The following NSUN4 variants were observed in gnomAD, a reference collection of about 807,000 sequenced individuals.
The protein encoded by NSUN4 is 5-cytosine rRNA methyltransferase NSUN4.
Under a neutral mutation model 43.8 loss-of-function variants are expected in NSUN4, and 31 were observed. The ratio of observed to expected loss-of-function variants is 0.71; its 90% CI spans 0.53 to 0.96. The LOEUF (loss-of-function observed/expected upper bound fraction) is 0.96, where lower values mean the gene tolerates loss of function less well. Ranked by LOEUF, NSUN4 falls within the 40% of genes least tolerant of loss-of-function variation. The pLI is 0.00. For missense variants in NSUN4, 439 were observed against 475.6 expected, an observed-to-expected ratio of 0.92 and a Z score of 0.72; for synonymous variants, 167 against 184.1, an observed-to-expected ratio of 0.91 and a Z score of 0.75.
In NSUN4 at chr1:46,364,868, C is replaced by A. The variant is rs892258336; in HGVS notation, c.*3022C>A. The A allele has an allele frequency of 2.6e-5, 4 of 152,188 alleles. No homozygotes were observed. Among genetic ancestry groups the A allele is most frequent in the African/African-American group, 9.7e-5 (4 of 41,434 alleles). The allele number at this position is 152,188 out of a possible 1,614,324, so 9.4% of individuals were successfully genotyped here. On this transcript the variant is annotated 3_prime_UTR_variant, in exon 6 of 6. Transcript: ENST00000474844. Reference sequence around the variant, plus strand: ...ATGCCTCACATAGATCATGATGATTCAATCCAAAGGCACTTTGCAGTGCAG... The same window carrying A: ...ATGCCTCACATAGATCATGATGATTAAATCCAAAGGCACTTTGCAGTGCAG...
the NSUN4 span, among the ~76,000 whole-genome samples, chr1:46,384,067 G>T: frequency 6.6e-6 from 1 of 152,196 alleles, no homozygotes; most frequent in African/African-American, 2.4e-5. Context: ...TTATGGCAGA[G>T]CAGGAGATCG....
At chr1:46,371,567 A>G in the NSUN4 span, among the ~76,000 whole-genome samples, 20 of 152,032 alleles carry the variant, frequency 1.3e-4, no homozygotes, top group South Asian at 4.2e-4. Flanking sequence ...CGGCCTCCCA[A>G]AGTTCTGTGA....
chr1:46,366,993 T>C (rs1477784786), downstream of NSUN4, among the ~76,000 whole-genome samples: 1 of 152,218 alleles, frequency 6.6e-6, no homozygotes, highest in Non-Finnish European at 1.5e-5. Flanking sequence ...GTAAAAGCTT[T>C]GGCCGTTCTC....
rs1483714520 is a variant in NSUN4 at position 46,344,794 on chromosome 1, C to G, written c.94-7C>G. On this transcript the variant is annotated splice_region_variant and splice_polypyrimidine_tract_variant and intron_variant, in intron 1 of 5. Transcript: ENST00000474844. Reference sequence around the variant, plus strand: ...GAAAACCAATAAGCCTGTCCTCTCTCTTTTAGGCTGCCACAGAGCCCAAAT... The same window carrying G: ...GAAAACCAATAAGCCTGTCCTCTCTGTTTTAGGCTGCCACAGAGCCCAAAT... 3.1e-6 allele frequency: 5 copies of G among 1,611,388 alleles called. No homozygotes were observed. The highest frequency in any genetic ancestry group is 1.7e-5 in the Admixed American group (1 of 59,920).
At chr1:46,365,278 G>A (rs1664107043), downstream of NSUN4, 2 of 152,086 alleles carry the variant, frequency 1.3e-5, no homozygotes, top group Admixed American at 1.3e-4. Flanking sequence ...CCAGTTTGGG[G>A]CTATTATTAG....
chr1:46,383,702 G>A, the NSUN4 span, among the ~76,000 whole-genome samples: 15 of 151,982 alleles, frequency 9.9e-5, no homozygotes, highest in East Asian at 1.9e-4. Flanking sequence ...TGATCCGCCC[G>A]CCTCTGCCTC....
chr1:46,363,622 A>G lies in NSUN4; in HGVS notation c.*1776A>G, dbSNP rs1664009354. 1 of 152,568 alleles carries G rather than the reference A, an allele frequency of 6.6e-6. No homozygotes were observed. The highest frequency in any genetic ancestry group is 2.4e-5 in the African/African-American group (1 of 41,452). 9.5% of individuals were successfully genotyped at this position (152,568 alleles called of 1,614,324 possible). A position where few individuals can be genotyped will look rare whatever the true frequency, so the allele number is the denominator to read the frequency against. Reference sequence around the variant, plus strand: ...CCAATACTGGGGATAAATCCTAGAGAAACTCATACATGTACACCAGGAGAT... The same window carrying G: ...CCAATACTGGGGATAAATCCTAGAGGAACTCATACATGTACACCAGGAGAT... On this transcript the variant is annotated 3_prime_UTR_variant, in exon 6 of 6. Transcript: ENST00000474844.
the NSUN4 span, among the ~76,000 whole-genome samples, chr1:46,373,418 A>T: frequency 6.6e-6 from 1 of 152,196 alleles, no homozygotes; most frequent in Non-Finnish European, 1.5e-5. Flanking sequence ...GAAGCTGGTT[A>T]ATTTATAAGG....
intron 3 of NSUN4, among the ~76,000 whole-genome samples, chr1:46,350,795 A>G (rs917665026): frequency 6.6e-6 from 1 of 152,166 alleles, no homozygotes; most frequent in African/African-American, 2.4e-5. Context: ...TTTGCAACGT[A>G]TTTTGTTGCT....
chr1:46,377,241 G>A, the NSUN4 span, among the ~76,000 whole-genome samples: 34,060 of 151,904 alleles, frequency 0.22, 4,279 homozygotes, highest in Non-Finnish European at 0.29. Context: ...GTAGAGACGG[G>A]GTTTCACCAT....
chr1:46,360,449 A>G (rs554681422), intron 4 of NSUN4, among the ~76,000 whole-genome samples: 1 of 151,014 alleles, frequency 6.6e-6, no homozygotes, highest in South Asian at 2.1e-4. Flanking sequence ...TAAAAAAAAA[A>G]AAAATTATAG....
chr1:46,364,415 G>T lies in NSUN4; in HGVS notation c.*2569G>T, dbSNP rs41294486. The T allele has an allele frequency of 6.6e-6, 1 of 151,144 alleles. No homozygotes were observed. Among genetic ancestry groups the T allele is most frequent in the Non-Finnish European group, 1.5e-5 (1 of 67,906 alleles). The allele number at this position is 151,144 out of a possible 1,614,324, so 9.4% of individuals were successfully genotyped here. ...AGCTCGGCCAGGTGCGGTGGCTCAC[G>T]CCTGTAATCCCAAAACTTTGGAAGG... On this transcript the variant is annotated 3_prime_UTR_variant, in exon 6 of 6. Coordinates refer to ENST00000474844, the MANE Select transcript of NSUN4 (RefSeq NM_199044.4).
chr1:46,369,922 C>T (rs983445552), downstream of NSUN4, among the ~76,000 whole-genome samples: 3 of 152,210 alleles, frequency 2.0e-5, no homozygotes, highest in African/African-American at 4.8e-5. Flanking sequence ...ATATGATTAT[C>T]AGAATTTACT....
chr1:46,365,395 A>G (rs897811332), downstream of NSUN4, among the ~76,000 whole-genome samples: 2 of 152,090 alleles, frequency 1.3e-5, no homozygotes, highest in African/African-American at 2.4e-5. Context: ...GCTGGAGTGC[A>G]ATGGTGCAAT....
At chr1:46,373,619 A>T in the NSUN4 span, among the ~76,000 whole-genome samples, 1 of 152,324 alleles carries the variant, frequency 6.6e-6, no homozygotes, top group African/African-American at 2.4e-5. Flanking sequence ...ATAACTTGAT[A>T]AAAGCTGGAG....
chr1:46,372,191 A>G, the NSUN4 span, among the ~76,000 whole-genome samples: 2 of 143,976 alleles, frequency 1.4e-5, no homozygotes, highest in Non-Finnish European at 3.0e-5. Context: ...CCCAGGCTGG[A>G]GTGCAGTGGC....
chr1:46,376,018 G>A, the NSUN4 span, among the ~76,000 whole-genome samples: 451 of 137,482 alleles, frequency 3.3e-3, 2 homozygotes, highest in Admixed American at 0.01. Flanking sequence ...AGGCAGAATT[G>A]CTTGAACCCA....
chr1:46,367,431 A>G (rs1664161445), downstream of NSUN4, among the ~76,000 whole-genome samples: 1 of 152,228 alleles, frequency 6.6e-6, no homozygotes, highest in African/African-American at 2.4e-5. Context: ...CCTATTTATT[A>G]TAAAACTTTG....
intron 3 of NSUN4, among the ~76,000 whole-genome samples, chr1:46,350,762 G>A (rs1032162695): frequency 6.6e-6 from 1 of 152,138 alleles, no homozygotes; most frequent in African/African-American, 2.4e-5. Context: ...ACAATTATCA[G>A]GGACTTAAGC....
Sources: allele counts gnomAD v4.1 joint callset (sites outside exome capture counted in the v4.1 genomes callset), GRCh38; gene constraint gnomAD v4.1.1; transcripts MANE v1.5; gene names NCBI Gene and HGNC (gene_info 2026-07-23, HGNC 2026-07-21).